SMARCC1: variants seen among roughly 807,000 people sequenced by gnomAD.
The protein encoded by SMARCC1 is SWI/SNF complex subunit SMARCC1.
Under a neutral mutation model 147.4 loss-of-function variants are expected in SMARCC1, and 43 were observed. The ratio of observed to expected loss-of-function variants is 0.29; its 90% CI spans 0.23 to 0.38. SMARCC1 has a LOEUF of 0.38. Among genes scored for constraint, SMARCC1 ranks in the 10% least tolerant of loss-of-function variants. The pLI, the probability that SMARCC1 is intolerant of heterozygous loss-of-function variation, is 1.00. For missense variants in SMARCC1, 1,119 were observed against 1,381.1 expected, an observed-to-expected ratio of 0.81 and a Z score of 3.01; for synonymous variants, 495 against 484.4, an observed-to-expected ratio of 1.02 and a Z score of -0.29.
intron 6 of SMARCC1, among the ~76,000 whole-genome samples, chr3:47,723,355 G>GTTTTTTTTTTTTTTTT (rs71070218): frequency 9.4e-6 from 1 of 106,676 alleles, no homozygotes; most frequent in Non-Finnish European, 1.9e-5. Context: ...TTTTTGTTGG[G>GTTTTTTTTTTTTTTTT]TTTTTTTTTT....
chr3:47,645,975 C>T (rs1294855043), intron 21 of SMARCC1, among the ~76,000 whole-genome samples: 2 of 152,086 alleles, frequency 1.3e-5, no homozygotes, highest in Non-Finnish European at 2.9e-5. Flanking sequence ...GATGGGGTCC[C>T]GCTATGTTGC....
intron 18 of SMARCC1, among the ~76,000 whole-genome samples, chr3:47,675,112 T>C (rs1285338441): frequency 6.6e-6 from 1 of 152,194 alleles, no homozygotes; most frequent in Non-Finnish European, 1.5e-5. Flanking sequence ...ATTTTTTCTC[T>C]TGGTACTTTA....
chr3:47,673,395 A>AGGGGGGG lies in SMARCC1; in HGVS notation c.1839+2079_1839+2080insCCCCCCC, dbSNP rs765352656. On this transcript the variant is annotated intron_variant, in intron 18 of 27. Coordinates refer to ENST00000254480, the MANE Select transcript of SMARCC1 (RefSeq NM_003074.4). ...AGCGAGACTCTGTCTCAAAAAAAAA[A>AGGGGGGG]GGGTGGGGGGGGGGCAGGCCAGTGG... is the stretch of plus-strand genomic sequence containing the variant. Among the ~76,000 whole-genome samples the AGGGGGGG allele has an allele frequency of 6.9e-4, 11 of 15,868 alleles. 2 individuals are homozygous for AGGGGGGG. Among genetic ancestry groups the AGGGGGGG allele is most frequent in the East Asian group, 2.3e-3 (1 of 428 alleles). The allele number at this position is 15,868 out of a possible 152,430, so 10.4% of individuals were successfully genotyped here.
chr3:47,720,241 A>G (rs1223739497), intron 7 of SMARCC1, among the ~76,000 whole-genome samples: 1 of 151,974 alleles, frequency 6.6e-6, no homozygotes, highest in African/African-American at 2.4e-5. Context: ...CTCCTGCCTT[A>G]GCTTCCTGAG....
intron 2 of SMARCC1, among the ~76,000 whole-genome samples, chr3:47,765,315 G>A (rs1301228066): frequency 6.6e-6 from 1 of 151,676 alleles, no homozygotes; most frequent in African/African-American, 2.4e-5. Context: ...AAAAAGAGGA[G>A]TTTATGGTTG....
At chr3:47,603,466 C>T (rs547055928) in intron 26 of SMARCC1, 5 of 152,288 alleles carry the variant, frequency 3.3e-5, no homozygotes, top group Non-Finnish European at 7.3e-5. Flanking sequence ...GTCAGAGGTG[C>T]CCTCCTGCTT....
chr3:47,657,750 T>A (rs1005074886), intron 21 of SMARCC1, among the ~76,000 whole-genome samples: 1 of 151,692 alleles, frequency 6.6e-6, no homozygotes, highest in African/African-American at 2.4e-5. Flanking sequence ...GAGGCAGAGG[T>A]TGCAGTAAGC....
intron 26 of SMARCC1, 56 bp downstream of exon 26, chr3:47,610,010 C>A: frequency 6.3e-7 from 1 of 1,577,340 alleles, no homozygotes. Context: ...CCCAATGATG[C>A]TCTGTGCCTC....
intron 2 of SMARCC1, among the ~76,000 whole-genome samples, chr3:47,750,041 C>T (rs1198600950): frequency 6.7e-6 from 1 of 149,932 alleles, no homozygotes; most frequent in African/African-American, 2.5e-5. Context: ...AAGATGGTGC[C>T]ACTGCACTCC....
At chr3:47,726,548 C>A (rs1395222949) in intron 6 of SMARCC1, among the ~76,000 whole-genome samples, 2 of 152,162 alleles carry the variant, frequency 1.3e-5, no homozygotes, top group Admixed American at 1.3e-4. Context: ...CTGTTAGGTA[C>A]ACCCAGTGTT....
chr3:47,739,837 T>G (rs1559659432), intron 3 of SMARCC1, among the ~76,000 whole-genome samples: 1 of 152,154 alleles, frequency 6.6e-6, no homozygotes. Flanking sequence ...CCAGAATCAG[T>G]CCCCAAGTCA....
At chr3:47,678,137 A>G in intron 16 of SMARCC1, 61 bp downstream of exon 16, 4 of 935,322 alleles carry the variant, frequency 4.3e-6, no homozygotes, top group Middle Eastern at 2.2e-4. Context: ...AGCAAACATT[A>G]GACAGCATGC....
intron 26 of SMARCC1, among the ~76,000 whole-genome samples, chr3:47,595,078 T>C (rs2032250241): frequency 6.6e-6 from 1 of 152,162 alleles, no homozygotes; most frequent in Admixed American, 6.5e-5. Flanking sequence ...ACCGGTTCTG[T>C]ATGCAGCCAC....
intron 2 of SMARCC1, among the ~76,000 whole-genome samples, chr3:47,767,190 A>AG (rs1429819027): frequency 3.8e-5 from 1 of 26,306 alleles, no homozygotes; most frequent in Non-Finnish European, 1.3e-4. Flanking sequence ...CTCCAAAAAG[A>AG]AAAAAAAAAA....
chr3:47,640,927 CT>C (rs1187168642), intron 21 of SMARCC1, among the ~76,000 whole-genome samples: 1 of 152,020 alleles, frequency 6.6e-6, no homozygotes, highest in Non-Finnish European at 1.5e-5. Context: ...AATATTAGTA[CT>C]CTACAAACCT....
intron 1 of SMARCC1, among the ~76,000 whole-genome samples, chr3:47,780,533 G>A (rs540291666): frequency 2.0e-5 from 3 of 152,026 alleles, no homozygotes; most frequent in Non-Finnish European, 2.9e-5. Flanking sequence ...ACACTGACAG[G>A]CTTCACTGAG....
intron 17 of SMARCC1, among the ~76,000 whole-genome samples, 153 bp from the exon 18 acceptor site, chr3:47,675,741 T>A (rs1247642004): frequency 6.6e-6 from 1 of 151,464 alleles, no homozygotes; most frequent in Non-Finnish European, 1.5e-5. Context: ...AGGTCAGGAG[T>A]TCAAGACCAG....
intron 24 of SMARCC1, among the ~76,000 whole-genome samples, chr3:47,630,631 A>G (rs1379576165): frequency 6.6e-6 from 1 of 152,190 alleles, no homozygotes; most frequent in Non-Finnish European, 1.5e-5. Flanking sequence ...CAAATGGGCT[A>G]TTTTTTCCTG....
chr3:47,598,268 G>C (rs2106649065), intron 26 of SMARCC1, among the ~76,000 whole-genome samples: 1 of 152,164 alleles, frequency 6.6e-6, no homozygotes, highest in South Asian at 2.1e-4. Context: ...GGAAACAGGA[G>C]GCCTACTTTT....
Sources: gnomAD v4.1 joint callset for allele counts (sites outside exome capture counted in the v4.1 genomes callset) on GRCh38, gnomAD v4.1.1 for gene constraint, MANE v1.5 for transcripts, NCBI Gene and HGNC (gene_info 2026-07-23, HGNC 2026-07-21) for gene names.